HMCN1: variants seen among roughly 807,000 people sequenced by gnomAD.
The protein encoded by HMCN1 is hemicentin-1.
HMCN1 carries 321 observed loss-of-function variants against 625.9 expected under a neutral mutation model. That is an observed-to-expected ratio of 0.51 (90% CI 0.47 to 0.56). The LOEUF (loss-of-function observed/expected upper bound fraction) is 0.56, where lower values mean the gene tolerates loss of function less well. Among genes scored for constraint, HMCN1 ranks in the 20% least tolerant of loss-of-function variants. The pLI, the probability that HMCN1 is intolerant of heterozygous loss-of-function variation, is 0.00. For missense variants in HMCN1, 6,588 were observed against 6,887.3 expected (o/e 0.96, Z 1.54); for synonymous variants, 2,425 against 2,417.6 (o/e 1.00, Z -0.09).
intron 42 of HMCN1, among the ~76,000 whole-genome samples, chr1:186,051,906 A>G (rs1656976936): frequency 6.6e-6 from 1 of 151,982 alleles, no homozygotes; most frequent in South Asian, 2.1e-4. Flanking sequence ...TCAGAGGCCT[A>G]AACTTATAAA....
rs543312578 is a variant in HMCN1 at position 185,990,656 on chromosome 1, A to G, written c.3377+213A>G. On this transcript the variant is annotated intron_variant, in intron 22 of 106. Transcript: ENST00000271588. ...AGAAATGCTAACATTCAGCTTTGCC[A>G]TAATTTTTCCCTGGTGCATTTTATA... Among the ~76,000 whole-genome samples the G allele has an allele frequency of 5.3e-5, 8 of 152,316 alleles. No individual in the cohort carries two copies. The East Asian group carries it at 7.7e-4, about 15-fold the overall frequency.
intron 4 of HMCN1, among the ~76,000 whole-genome samples, chr1:185,901,859 C>G (rs1444571630): frequency 6.6e-6 from 1 of 151,700 alleles, no homozygotes; most frequent in Non-Finnish European, 1.5e-5. Flanking sequence ...GAAATGAGGT[C>G]TATATTTTGA....
chr1:186,156,301 A>G (rs557744356), intron 97 of HMCN1, among the ~76,000 whole-genome samples: 15 of 152,342 alleles, frequency 9.8e-5, no homozygotes, highest in African/African-American at 3.4e-4. Context: ...ATCACATGTT[A>G]TTGACAACCA....
rs41317493 is a variant in HMCN1, at chr1:186,130,504, C to T, written c.13040-3C>T. Reference sequence around the variant, plus strand: ...TTTGTACCTGTCTTATGTTGTTTTCCAGAACCTCCAGTCTTCAAAGGTGAT... The same window carrying T: ...TTTGTACCTGTCTTATGTTGTTTTCTAGAACCTCCAGTCTTCAAAGGTGAT... On this transcript the variant is annotated splice_polypyrimidine_tract_variant and splice_region_variant and intron_variant, in intron 84 of 106. Coordinates refer to ENST00000271588, the MANE Select transcript of HMCN1 (RefSeq NM_031935.3). 0.011 allele frequency: 17,030 copies of T among 1,612,600 alleles called. 129 individuals are homozygous for T. The highest frequency in any genetic ancestry group is 0.012 in the Non-Finnish European group (14,229 of 1,178,876).
intron 1 of HMCN1, among the ~76,000 whole-genome samples, chr1:185,793,980 T>C (rs1658175149): frequency 6.6e-6 from 1 of 152,194 alleles, no homozygotes; most frequent in South Asian, 2.1e-4. Context: ...GTTATTCCCA[T>C]GTATTCCAAA....
intron 1 of HMCN1, among the ~76,000 whole-genome samples, chr1:185,784,799 C>G (rs1021792397): frequency 6.6e-6 from 1 of 152,118 alleles, no homozygotes; most frequent in African/African-American, 2.4e-5. Context: ...ATGTACAGAT[C>G]TTAAGTGTAT....
intron 1 of HMCN1, among the ~76,000 whole-genome samples, chr1:185,797,327 T>G (rs765824026): frequency 5.9e-5 from 9 of 152,144 alleles, no homozygotes; most frequent in Non-Finnish European, 8.8e-5. Flanking sequence ...TTTTTGAGAC[T>G]GGGTCTTGCT....
intron 1 of HMCN1, among the ~76,000 whole-genome samples, chr1:185,760,381 G>A (rs927605670): frequency 1.1e-4 from 16 of 152,154 alleles, no homozygotes; most frequent in African/African-American, 3.9e-4. Flanking sequence ...CAGTAGTAGA[G>A]CCCGGGTAGT....
intron 11 of HMCN1, among the ~76,000 whole-genome samples, chr1:185,959,689 T>C (rs1649874094): frequency 6.6e-6 from 1 of 152,092 alleles, no homozygotes; most frequent in African/African-American, 2.4e-5. Context: ...GGTGGTGATA[T>C]GAGATTGGAA....
At chr1:186,065,478 G>A (rs562577412) in intron 49 of HMCN1, 49 bp downstream of exon 49, 1 of 1,389,436 alleles carries the variant, frequency 7.2e-7, no homozygotes, top group East Asian at 2.4e-5. Context: ...CATGACTGTA[G>A]GCTAAATTTT....
chr1:185,864,027 C>T (rs1411670267), intron 2 of HMCN1, among the ~76,000 whole-genome samples: 4 of 152,134 alleles, frequency 2.6e-5, no homozygotes, highest in South Asian at 2.1e-4. Flanking sequence ...AAGTGCTTCA[C>T]GATTAAGGCA....
intron 11 of HMCN1, among the ~76,000 whole-genome samples, chr1:185,942,992 A>T (rs1262645450): frequency 6.6e-6 from 1 of 152,106 alleles, no homozygotes; most frequent in Non-Finnish European, 1.5e-5. Context: ...CATACCACTC[A>T]ATACAACATT....
At chr1:185,759,903 T>C (rs1655381462) in intron 1 of HMCN1, among the ~76,000 whole-genome samples, 1 of 152,166 alleles carries the variant, frequency 6.6e-6, no homozygotes, top group Admixed American at 6.6e-5. Context: ...AGTAAAATGA[T>C]ACCGAATGCA....
chr1:186,180,157 T>G (rs1652850020), intron 104 of HMCN1, among the ~76,000 whole-genome samples: 1 of 152,230 alleles, frequency 6.6e-6, no homozygotes, highest in South Asian at 2.1e-4. Flanking sequence ...TTCTTGCTAG[T>G]ATATTAAACA....
At chr1:186,016,594 A>T (rs776375244) in intron 32 of HMCN1, among the ~76,000 whole-genome samples, 11 of 152,032 alleles carry the variant, frequency 7.2e-5, no homozygotes, top group Non-Finnish European at 1.2e-4. Flanking sequence ...AAGTCATCTT[A>T]CCTTGAAACT....
chr1:185,953,718 T>A (rs1649407139), intron 11 of HMCN1, among the ~76,000 whole-genome samples: 1 of 151,816 alleles, frequency 6.6e-6, no homozygotes. Context: ...GACAGGGGAT[T>A]GAACTCCCAA....
In HMCN1 at chr1:186,049,832, T is replaced by C. The variant is rs191742126; in HGVS notation, c.6577+993T>C. ...ATGCACTGATGTAGAAAATGACTTA[T>C]AAATAAATGAGTATCATCTTTTAAA... On this transcript the variant is annotated intron_variant, in intron 42 of 106. Coordinates refer to ENST00000271588, the MANE Select transcript of HMCN1 (RefSeq NM_031935.3). 2.1e-3 allele frequency among the ~76,000 whole-genome samples: 312 copies of C among 152,048 alleles called. 4 individuals are homozygous for C. The highest frequency in any genetic ancestry group is 6.9e-4 in the Non-Finnish European group (47 of 67,924).
In HMCN1 at chr1:186,053,813, ACTT is replaced by A; in HGVS notation, c.6701-8_6701-6del. The A allele has an allele frequency of 6.2e-7, 1 of 1,612,276 alleles. No homozygotes were observed. ...TTCTGCCTCATATTCTGCCATTTGG[ACTT>A]CTTTGTAGGCTCTCCAGTGCTGACT... is the stretch of plus-strand genomic sequence containing the variant. On this transcript the variant is annotated splice_polypyrimidine_tract_variant and intron_variant, in intron 43 of 106. Coordinates refer to ENST00000271588, the MANE Select transcript of HMCN1 (RefSeq NM_031935.3).
chr1:186,026,210 G>A (rs894741305), intron 36 of HMCN1, among the ~76,000 whole-genome samples: 1 of 152,186 alleles, frequency 6.6e-6, no homozygotes, highest in African/African-American at 2.4e-5. Flanking sequence ...GAATTTCTAA[G>A]AGACTGGTTG....
Sources: gnomAD v4.1 joint callset for allele counts (sites outside exome capture counted in the v4.1 genomes callset) on GRCh38, gnomAD v4.1.1 for gene constraint, MANE v1.5 for transcripts, NCBI Gene and HGNC (gene_info 2026-07-23, HGNC 2026-07-21) for gene names.